The following EPHA4 variants were observed in gnomAD, a reference collection of about 807,000 sequenced individuals.
EPHA4 encodes the protein ephrin type-A receptor 4.
Under a neutral mutation model 108.3 loss-of-function variants are expected in EPHA4, and 19 were observed. The ratio of observed to expected loss-of-function variants is 0.18; its 90% CI spans 0.12 to 0.26. The LOEUF (loss-of-function observed/expected upper bound fraction) is 0.26, where lower values mean the gene tolerates loss of function less well. Ranked by LOEUF, EPHA4 falls within the 10% of genes least tolerant of loss-of-function variation. The pLI is 1.00. For synonymous variants in EPHA4, 449 were observed against 455.5 expected, an observed-to-expected ratio of 0.99 and a Z score of 0.18; for missense variants, 917 against 1,254.0, an observed-to-expected ratio of 0.73 and a Z score of 4.06.
At chr2:221,570,634 G>C (rs1412976006) in intron 1 of EPHA4, among the ~76,000 whole-genome samples, 1 of 152,224 alleles carries the variant, frequency 6.6e-6, no homozygotes, top group Non-Finnish European at 1.5e-5. Flanking sequence ...AGGGCTCCGG[G>C]TACCGGCTGC....
chr2:221,519,648 C>T (rs912612891), intron 3 of EPHA4, among the ~76,000 whole-genome samples: 1 of 152,190 alleles, frequency 6.6e-6, no homozygotes, highest in Non-Finnish European at 1.5e-5. Context: ...CAACAACCAA[C>T]CTAATGTAAG....
intron 8 of EPHA4, among the ~76,000 whole-genome samples, chr2:221,453,721 T>C (rs960622286): frequency 2.0e-5 from 3 of 152,204 alleles, no homozygotes; most frequent in Non-Finnish European, 4.4e-5. Context: ...ATCACTCTAA[T>C]CAAACATACC....
intron 3 of EPHA4, among the ~76,000 whole-genome samples, chr2:221,518,232 A>T (rs756939762): frequency 7.9e-5 from 12 of 152,202 alleles, no homozygotes; most frequent in Non-Finnish European, 1.3e-4. Context: ...TTAAGAGCTC[A>T]GTCCTTATCC....
chr2:221,496,903 C>A (rs61359577), intron 4 of EPHA4, among the ~76,000 whole-genome samples: 1 of 151,378 alleles, frequency 6.6e-6, no homozygotes. Flanking sequence ...GAGCAAAACT[C>A]GGTCTCAAAA....
At chr2:221,488,240 ATCT>A (rs1692033802) in intron 4 of EPHA4, among the ~76,000 whole-genome samples, 1 of 152,166 alleles carries the variant, frequency 6.6e-6, no homozygotes, top group South Asian at 2.1e-4. Flanking sequence ...AAAGCAAGGC[ATCT>A]TCTTTTTAGG....
At chr2:221,434,095 C>T (rs1320394565) in intron 14 of EPHA4, 47 bp downstream of exon 14, 2 of 1,575,994 alleles carry the variant, frequency 1.3e-6, no homozygotes, top group Non-Finnish European at 1.7e-6. Context: ...TGCAGAACTT[C>T]CTGAATCTCA....
At chr2:221,458,111 T>A in intron 5 of EPHA4, 121 bp from the exon 6 acceptor site, 1 of 1,232,916 alleles carries the variant, frequency 8.1e-7, no homozygotes, top group Non-Finnish European at 1.1e-6. Context: ...TGTCTCCCCC[T>A]TGACCATTTT....
chr2:221,561,832 TGA>T (rs887623687), intron 3 of EPHA4, among the ~76,000 whole-genome samples: 2 of 152,240 alleles, frequency 1.3e-5, no homozygotes, highest in African/African-American at 4.8e-5. Flanking sequence ...GTGCTAATGC[TGA>T]GAGTGAACAT....
rs570606214 is a variant in EPHA4, at chr2:221,559,671, A to G, written c.823+4060T>C. Among the ~76,000 whole-genome samples, 6 of 152,340 alleles carry G rather than the reference A, an allele frequency of 3.9e-5. No homozygotes were observed. In the East Asian group the frequency reaches 1.2e-3, roughly 29 times the overall value. On this transcript the variant is annotated intron_variant, in intron 3 of 17. Coordinates refer to ENST00000281821, the MANE Select transcript of EPHA4 (RefSeq NM_004438.5). ...TGTAAAACATCTGGAACATTTCTTC[A>G]TTAGGGGTATGTCTGTCCGGAAGGA...
At chr2:221,572,886 T>C (rs1479538539), upstream of EPHA4, 1 of 152,304 alleles carries the variant, frequency 6.6e-6, no homozygotes, top group African/African-American at 2.4e-5. Flanking sequence ...TGTGGCTCTA[T>C]CACTCGCTTC....
chr2:221,426,676 C>T (rs1368211399), intron 15 of EPHA4, 57 bp from the exon 16 acceptor site: 20 of 1,496,300 alleles, frequency 1.3e-5, no homozygotes, highest in Non-Finnish European at 1.7e-5. Flanking sequence ...GACAAGAAGA[C>T]TCAGAAATCT....
rs188803920 is a variant in EPHA4, at chr2:221,452,369, T to C, written c.1715+3178A>G. On this transcript the variant is annotated intron_variant, in intron 8 of 17. Transcript: ENST00000281821. The stretch of plus-strand genomic sequence containing the variant: ...TGGCAAGATTATTTCGCCAGTACCA[T>C]GTACCACCTTTCATTTGTCCTCTCA... Among the ~76,000 whole-genome samples, 600 of 152,384 alleles carry C rather than the reference T, an allele frequency of 3.9e-3. 2 individuals carry two copies. The highest frequency in any genetic ancestry group is 9.8e-3 in the African/African-American group (406 of 41,598).
At chr2:221,478,077 G>C (rs1344124011) in intron 5 of EPHA4, among the ~76,000 whole-genome samples, 1 of 151,960 alleles carries the variant, frequency 6.6e-6, no homozygotes, top group African/African-American at 2.4e-5. Flanking sequence ...CCATTCATGG[G>C]GGTTGGGACC....
At chr2:221,555,506 C>A (rs1461939467) in intron 3 of EPHA4, among the ~76,000 whole-genome samples, 1 of 150,520 alleles carries the variant, frequency 6.6e-6, no homozygotes, top group Non-Finnish European at 1.5e-5. Context: ...TAAGCAGTAC[C>A]AACATGTGTG....
chr2:221,522,338 C>T (rs955956628), intron 3 of EPHA4, among the ~76,000 whole-genome samples: 1 of 152,174 alleles, frequency 6.6e-6, no homozygotes, highest in African/African-American at 2.4e-5. Context: ...GTCAATATCA[C>T]ACGTTTGAAT....
intron 4 of EPHA4, among the ~76,000 whole-genome samples, chr2:221,493,385 G>A (rs1027290018): frequency 1.3e-5 from 2 of 151,714 alleles, no homozygotes; most frequent in Admixed American, 6.6e-5. Flanking sequence ...AGAATAACAG[G>A]GGCACCTTCA....
chr2:221,482,711 C>A, intron 4 of EPHA4, 21 bp from the exon 5 acceptor site: 2 of 1,562,512 alleles, frequency 1.3e-6, no homozygotes, highest in South Asian at 1.2e-5. Context: ...AAAACCACAT[C>A]ATCACACCAA....
chr2:221,425,052 C>T (rs981468144), intron 17 of EPHA4, among the ~76,000 whole-genome samples, 157 bp downstream of exon 17: 5 of 150,188 alleles, frequency 3.3e-5, no homozygotes, highest in Admixed American at 6.6e-5. Flanking sequence ...TCTCCTCTTT[C>T]GCTGTCAAAA....
chr2:221,534,849 G>A (rs541189832), intron 3 of EPHA4, among the ~76,000 whole-genome samples: 1 of 152,158 alleles, frequency 6.6e-6, no homozygotes, highest in Non-Finnish European at 1.5e-5. Flanking sequence ...CTTTCCAGTC[G>A]ACAGAGGTGC....
Sources: gnomAD v4.1 joint callset for allele counts (sites outside exome capture counted in the v4.1 genomes callset) on GRCh38, gnomAD v4.1.1 for gene constraint, MANE v1.5 for transcripts, NCBI Gene and HGNC (gene_info 2026-07-23, HGNC 2026-07-21) for gene names.